The following ZNF423 variants were observed in gnomAD, a reference collection of about 807,000 sequenced individuals.
ZNF423 encodes the protein zinc finger protein 423, also known as Ebf-associated zinc finger protein.
ZNF423 carries 12 observed loss-of-function variants against 95.8 expected under a neutral mutation model. That is an observed-to-expected ratio of 0.13 (90% CI 0.08 to 0.20). ZNF423 has a LOEUF of 0.20. Among genes scored for constraint, ZNF423 ranks in the 10% least tolerant of loss-of-function variants. The pLI is 1.00. For synonymous variants in ZNF423, 749 were observed against 711.9 expected (o/e 1.05, Z -0.83); for missense variants, 1,316 against 1,737.1 (o/e 0.76, Z 4.31).
chr16:49,746,162 T>A (rs1450074653), intron 2 of ZNF423, among the ~76,000 whole-genome samples: 1 of 152,086 alleles, frequency 6.6e-6, no homozygotes, highest in Non-Finnish European at 1.5e-5. Flanking sequence ...GTGAGTGGAA[T>A]GCAATGTTGG....
chr16:49,586,101 A>G (rs572203252), intron 5 of ZNF423, among the ~76,000 whole-genome samples: 2 of 152,218 alleles, frequency 1.3e-5, no homozygotes, highest in Non-Finnish European at 2.9e-5. Flanking sequence ...ACGAAAGAGC[A>G]CTGCTAACTC....
chr16:49,766,672 G>A (rs1218413720), intron 2 of ZNF423, among the ~76,000 whole-genome samples: 2 of 152,240 alleles, frequency 1.3e-5, no homozygotes, highest in East Asian at 1.9e-4. Context: ...CTCTAACTGA[G>A]GCCCAGTCTG....
At chr16:49,758,897 G>T (rs1181726522) in intron 2 of ZNF423, among the ~76,000 whole-genome samples, 1 of 152,178 alleles carries the variant, frequency 6.6e-6, no homozygotes, top group Non-Finnish European at 1.5e-5. Context: ...TCAAGCTAGT[G>T]ATTCTTTCTG....
chr16:49,569,732 G>GA (rs112871842), intron 5 of ZNF423, among the ~76,000 whole-genome samples: 1 of 152,154 alleles, frequency 6.6e-6, no homozygotes. Context: ...AGTGCCCGTG[G>GA]AAAAAAAGAC....
At chr16:49,789,442 C>T in intron 2 of ZNF423, 45 bp downstream of exon 2, 31 of 1,586,162 alleles carry the variant, frequency 2.0e-5, no homozygotes, top group Non-Finnish European at 2.6e-5. Flanking sequence ...CTGGGCCAGC[C>T]CCCAGGACCC....
chr16:49,638,474 C>T lies in ZNF423; in HGVS notation c.702G>A (p.Val234=). The change falls in exon 4 of 8, where the codon GTG becomes GTA. Residue 234 remains valine, a synonymous_variant. Coordinates refer to ENST00000563137, the MANE Select transcript of ZNF423 (RefSeq NM_001379286.1). The surrounding 1 kb of genome is among the most constrained non-coding windows in gnomAD (Gnocchi z 5.6). ...HSSSKPFKCT[V]CKRGFSSTSS... is the part of the protein sequence containing the mutation. ...TGGTGGAGGAGAAGCCGCGCTTGCA[C>T]ACAGTGCACTTGAAGGGCTTGCTGG... The T allele has an allele frequency of 3.1e-6, 5 of 1,613,890 alleles. No individual in the cohort carries two copies. The highest frequency in any genetic ancestry group is 4.2e-6 in the Non-Finnish European group (5 of 1,180,038).
intron 2 of ZNF423, among the ~76,000 whole-genome samples, chr16:49,742,970 C>A (rs1412061799): frequency 6.6e-6 from 1 of 152,108 alleles, no homozygotes; most frequent in East Asian, 1.9e-4. Context: ...CTGTGCATTC[C>A]GGGCAAGGTG....
At chr16:49,655,057 A>G (rs1349505245) in intron 3 of ZNF423, among the ~76,000 whole-genome samples, 2 of 152,242 alleles carry the variant, frequency 1.3e-5, no homozygotes, top group Non-Finnish European at 2.9e-5. Flanking sequence ...TGATACTCAA[A>G]TGTTGCAAGA....
intron 7 of ZNF423, 64 bp downstream of exon 7, chr16:49,523,560 G>T: frequency 7.0e-7 from 1 of 1,423,538 alleles, no homozygotes; most frequent in Non-Finnish European, 9.9e-7. Flanking sequence ...CCCTGAGACC[G>T]TCGGTGCTGA....
intron 1 of ZNF423, among the ~76,000 whole-genome samples, chr16:49,827,899 C>A (rs568359044): frequency 1.3e-5 from 2 of 152,310 alleles, no homozygotes; most frequent in Admixed American, 1.3e-4. Flanking sequence ...CATGCCCAGT[C>A]TGAATGATTA....
At chr16:49,727,168 G>C (rs1567314078) in intron 3 of ZNF423, among the ~76,000 whole-genome samples, 1 of 152,252 alleles carries the variant, frequency 6.6e-6, no homozygotes, top group Admixed American at 6.5e-5. Flanking sequence ...GAGCGAGAGG[G>C]AGAGAGAGGA....
At chr16:49,736,293 A>G (rs1025567424) in intron 2 of ZNF423, among the ~76,000 whole-genome samples, 5 of 152,106 alleles carry the variant, frequency 3.3e-5, no homozygotes, top group African/African-American at 1.2e-4. Context: ...GGCAATCTCA[A>G]ATGGCTCAGC....
At chr16:49,822,406 TCAGG>T (rs1177131425) in intron 1 of ZNF423, among the ~76,000 whole-genome samples, 8 of 152,242 alleles carry the variant, frequency 5.3e-5, no homozygotes, top group Admixed American at 2.6e-4. Context: ...ACTCCTGACC[TCAGG>T]CGATCCACCT....
chr16:49,540,644 C>T (rs1489580426), intron 5 of ZNF423, among the ~76,000 whole-genome samples: 1 of 152,204 alleles, frequency 6.6e-6, no homozygotes, highest in Non-Finnish European at 1.5e-5. Flanking sequence ...CTGCTTTCAC[C>T]TCATGCTTTA....
chr16:49,569,055 A>G (rs1970280123), intron 5 of ZNF423, among the ~76,000 whole-genome samples: 1 of 152,158 alleles, frequency 6.6e-6, no homozygotes, highest in African/African-American at 2.4e-5. Context: ...CCCCGCCTCT[A>G]AAGAACTCTA....
chr16:49,525,977 G>C (rs1390726912), intron 5 of ZNF423, among the ~76,000 whole-genome samples: 1 of 152,194 alleles, frequency 6.6e-6, no homozygotes, highest in Non-Finnish European at 1.5e-5. Flanking sequence ...TGGTGGGGTA[G>C]ACAGATGATA....
chr16:49,841,900 G>A (rs1280637884), intron 1 of ZNF423, among the ~76,000 whole-genome samples: 1 of 152,144 alleles, frequency 6.6e-6, no homozygotes, highest in African/African-American at 2.4e-5. Context: ...GGAAAGAAAT[G>A]CCCATATCTC....
At chr16:49,735,227 C>T (rs1160003185) in intron 2 of ZNF423, among the ~76,000 whole-genome samples, 1 of 152,170 alleles carries the variant, frequency 6.6e-6, no homozygotes, top group Non-Finnish European at 1.5e-5. Flanking sequence ...TGGTCCAGGG[C>T]TTCCCACTCC....
At chr16:49,675,026 C>T (rs554127894) in intron 3 of ZNF423, among the ~76,000 whole-genome samples, 2 of 152,196 alleles carry the variant, frequency 1.3e-5, no homozygotes, top group Admixed American at 6.5e-5. Flanking sequence ...CAGGGCAGAG[C>T]GGGAGGCCTG....
Sources: allele counts gnomAD v4.1 joint callset (sites outside exome capture counted in the v4.1 genomes callset), GRCh38; gene constraint gnomAD v4.1.1; non-coding constraint Gnocchi (gnomAD v3.1); transcripts MANE v1.5; gene names NCBI Gene and HGNC (gene_info 2026-07-23, HGNC 2026-07-21).